The following PDE7B variants were observed in gnomAD, a reference collection of about 807,000 sequenced individuals.
PDE7B encodes the protein phosphodiesterase 7B.
Under a neutral mutation model 56.2 loss-of-function variants are expected in PDE7B, and 29 were observed. The ratio of observed to expected loss-of-function variants is 0.52; its 90% CI spans 0.38 to 0.70. The LOEUF is 0.70. Ranked by LOEUF, PDE7B falls within the 30% of genes least tolerant of loss-of-function variation. PDE7B has a pLI of 0.00. For synonymous variants in PDE7B, 197 were observed against 196.9 expected (o/e 1.00, Z 0.00); for missense variants, 490 against 565.0 (o/e 0.87, Z 1.35).
intron 1 of PDE7B, among the ~76,000 whole-genome samples, chr6:135,882,914 T>A (rs1359464290): frequency 4.6e-5 from 7 of 152,240 alleles, no homozygotes; most frequent in Non-Finnish European, 1.0e-4. Context: ...GAAATCCATT[T>A]CTGTTTTTCA....
chr6:136,130,020 T>C (rs947582476), intron 3 of PDE7B, among the ~76,000 whole-genome samples: 1 of 152,202 alleles, frequency 6.6e-6, no homozygotes. Context: ...TGTATATTCA[T>C]ATTTTTTCCA....
At chr6:136,060,377 C>G (rs1776816792) in intron 2 of PDE7B, among the ~76,000 whole-genome samples, 1 of 152,074 alleles carries the variant, frequency 6.6e-6, no homozygotes, top group Admixed American at 6.6e-5. Flanking sequence ...TTTAAGGAAA[C>G]ATTATATTAA....
intron 1 of PDE7B, among the ~76,000 whole-genome samples, chr6:135,856,724 G>C (rs1775035470): frequency 6.6e-6 from 1 of 152,162 alleles, no homozygotes; most frequent in African/African-American, 2.4e-5. Flanking sequence ...TGGTTTTGTA[G>C]TTTTGGATAA....
At position 136,166,990 on chromosome 6, in the gene PDE7B, C is replaced by T. The variant is rs115519772; in HGVS notation, c.712-6807C>T. 3.2e-3 allele frequency among the ~76,000 whole-genome samples: 494 copies of T among 152,342 alleles called. 1 individual carries two copies. Among genetic ancestry groups the T allele is most frequent in the African/African-American group, 0.011 (463 of 41,584 alleles). On this transcript the variant is annotated intron_variant, in intron 8 of 12. Transcript: ENST00000308191. ...GACTTCATGTCTTCATACTTCCCCT[C>T]TCTCGCTGTGCATTGACCTCACAGC... is the stretch of plus-strand genomic sequence containing the variant.
intron 1 of PDE7B, among the ~76,000 whole-genome samples, chr6:135,874,288 TTTTC>T (rs1775448349): frequency 6.6e-6 from 1 of 152,264 alleles, no homozygotes; most frequent in Admixed American, 6.6e-5. Context: ...GGTCTAATGG[TTTTC>T]TTTCTTCTAC....
rs573158184 is a variant in PDE7B at position 136,188,840 on chromosome 6, A to G, written c.1126+1724A>G. On this transcript the variant is annotated intron_variant, in intron 12 of 12. Transcript: ENST00000308191. The stretch of plus-strand genomic sequence containing the variant: ...TGCTACACCAGCACACCAATAATAA[A>G]GAGAAAGGGAAGGTGATTATAAAAC... Among the ~76,000 whole-genome samples, 27 of 152,314 alleles carry G rather than the reference A, an allele frequency of 1.8e-4. No homozygotes were observed. In the South Asian group the frequency reaches 4.4e-3, roughly 25 times the overall value.
chr6:136,007,640 TC>T (rs1178119374), intron 2 of PDE7B, among the ~76,000 whole-genome samples: 1 of 150,808 alleles, frequency 6.6e-6, no homozygotes, highest in Non-Finnish European at 1.5e-5. Flanking sequence ...TCAATAAATG[TC>T]CCTTTCTTGG....
chr6:136,013,432 A>C (rs1775925918), intron 2 of PDE7B, among the ~76,000 whole-genome samples: 1 of 152,322 alleles, frequency 6.6e-6, no homozygotes, highest in South Asian at 2.1e-4. Context: ...TCCTGATCCA[A>C]AGTGTCACAC....
intron 1 of PDE7B, among the ~76,000 whole-genome samples, chr6:135,932,748 C>A (rs1774316529): frequency 6.6e-6 from 1 of 152,186 alleles, no homozygotes; most frequent in African/African-American, 2.4e-5. Context: ...CATGCAGGAG[C>A]TGTTGGATCC....
chr6:136,076,805 A>C (rs1777134651), intron 2 of PDE7B, among the ~76,000 whole-genome samples: 1 of 152,114 alleles, frequency 6.6e-6, no homozygotes, highest in South Asian at 2.1e-4. Flanking sequence ...CTGGGGAAGG[A>C]ATGATGCACT....
rs377614874 is a variant in PDE7B, at chr6:135,975,820, G to GA, written c.82+28296_82+28297insA. Among the ~76,000 whole-genome samples, 34 of 5,724 alleles carry GA rather than the reference G, an allele frequency of 5.9e-3. No individual in the cohort carries two copies. The African/African-American group carries it at 0.11, about 19-fold the overall frequency. The allele number at this position is 5,724 out of a possible 152,430, so 3.8% of individuals were successfully genotyped here. ...TGGGGATACCTTAGGTGCCAAATTT[G>GA]TGTCACAGTCAGGACTGGGACAGTT... On this transcript the variant is annotated intron_variant, in intron 2 of 12. Transcript: ENST00000308191.
chr6:136,154,286 A>G, intron 7 of PDE7B, 111 bp downstream of exon 7: 2 of 604,840 alleles, frequency 3.3e-6, no homozygotes, highest in Non-Finnish European at 3.0e-6. Flanking sequence ...GTCATTAACA[A>G]TGTGAACACA....
intron 2 of PDE7B, among the ~76,000 whole-genome samples, chr6:135,955,538 G>A (rs1774777105): frequency 6.6e-6 from 1 of 152,142 alleles, no homozygotes; most frequent in Non-Finnish European, 1.5e-5. Flanking sequence ...TGGACAGGAA[G>A]GCAGGAGAGA....
chr6:136,121,107 G>A (rs1777926460), intron 3 of PDE7B, among the ~76,000 whole-genome samples: 1 of 152,090 alleles, frequency 6.6e-6, no homozygotes, highest in South Asian at 2.1e-4. Context: ...CTGGGCCCTG[G>A]CACACCCACC....
chr6:135,890,655 GT>G (rs1775794855), intron 1 of PDE7B, among the ~76,000 whole-genome samples: 1 of 152,324 alleles, frequency 6.6e-6, no homozygotes, highest in Non-Finnish European at 1.5e-5. Flanking sequence ...GGAGAAGAAT[GT>G]GGCAAGAGAT....
chr6:136,002,720 A>C (rs888334577), intron 2 of PDE7B, among the ~76,000 whole-genome samples: 3 of 152,212 alleles, frequency 2.0e-5, no homozygotes, highest in African/African-American at 7.2e-5. Context: ...AGTGACCTAC[A>C]AAGAGACTTA....
intron 8 of PDE7B, among the ~76,000 whole-genome samples, chr6:136,160,532 G>C (rs1219124826): frequency 6.6e-6 from 1 of 152,064 alleles, no homozygotes; most frequent in Non-Finnish European, 1.5e-5. Context: ...TCTCCCCTAG[G>C]TTCAGGGCAC....
At chr6:136,030,850 C>G (rs1776236158) in intron 2 of PDE7B, among the ~76,000 whole-genome samples, 1 of 152,164 alleles carries the variant, frequency 6.6e-6, no homozygotes, top group Non-Finnish European at 1.5e-5. Context: ...AACTAAATTG[C>G]ATTTGACATT....
chr6:136,114,465 C>G (rs1339144811), intron 3 of PDE7B, among the ~76,000 whole-genome samples: 1 of 152,112 alleles, frequency 6.6e-6, no homozygotes, highest in African/African-American at 2.4e-5. Flanking sequence ...AAAAGCCACT[C>G]AGTATGCTGG....
Sources: gnomAD v4.1 joint callset for allele counts (sites outside exome capture counted in the v4.1 genomes callset) on GRCh38, gnomAD v4.1.1 for gene constraint, MANE v1.5 for transcripts, NCBI Gene and HGNC (gene_info 2026-07-23, HGNC 2026-07-21) for gene names.